The following CHN2 variants were observed in gnomAD, a reference collection of about 807,000 sequenced individuals.
CHN2 encodes the protein beta-chimaerin.
In CHN2, 35 loss-of-function variants were observed where a neutral mutation model predicts 56.3. That is an observed-to-expected ratio of 0.62 (90% CI 0.47 to 0.82). The LOEUF is 0.82. CHN2 is among the 40% of genes least tolerant of loss of function. The pLI, the probability that CHN2 is intolerant of heterozygous loss-of-function variation, is 0.00. For synonymous variants in CHN2, 210 were observed against 212.8 expected (o/e 0.99, Z 0.12); for missense variants, 491 against 580.5 (o/e 0.85, Z 1.58).
At chr7:29,360,319 C>T (rs1386801181) in intron 2 of CHN2, among the ~76,000 whole-genome samples, 2 of 152,192 alleles carry the variant, frequency 1.3e-5, no homozygotes, top group East Asian at 1.9e-4. Flanking sequence ...GTTGGGAGTT[C>T]GAGACCAGCC....
intron 6 of CHN2, among the ~76,000 whole-genome samples, chr7:29,420,811 T>C (rs1438396735): frequency 1.5e-5 from 1 of 66,546 alleles, no homozygotes; most frequent in Non-Finnish European, 4.5e-5. Context: ...TTTCTTCTTT[T>C]CTTTCTTTTT....
At chr7:29,184,604 C>T (rs1361162633) in intron 2 of CHN2, 1 of 152,192 alleles carries the variant, frequency 6.6e-6, no homozygotes. Context: ...AGAGTTTTCT[C>T]TTACTCTCAA....
At chr7:29,289,476 G>C (rs1180117778) in intron 1 of CHN2, among the ~76,000 whole-genome samples, 1 of 152,176 alleles carries the variant, frequency 6.6e-6, no homozygotes, top group Non-Finnish European at 1.5e-5. Flanking sequence ...GGTTAGGCAT[G>C]AGTAAGCCGA....
intron 6 of CHN2, among the ~76,000 whole-genome samples, chr7:29,414,882 G>A (rs1803573459): frequency 6.6e-6 from 1 of 152,086 alleles, no homozygotes; most frequent in Admixed American, 6.5e-5. Flanking sequence ...CTCCTGCCAT[G>A]CTTTGTGGAC....
At chr7:29,258,589 A>G (rs1789264695) in intron 1 of CHN2, among the ~76,000 whole-genome samples, 1 of 152,206 alleles carries the variant, frequency 6.6e-6, no homozygotes, top group South Asian at 2.1e-4. Flanking sequence ...TGCTATCTGT[A>G]CTACTAATTT....
chr7:29,443,745 T>G (rs1783837839), intron 6 of CHN2, among the ~76,000 whole-genome samples: 3 of 146,734 alleles, frequency 2.0e-5, no homozygotes, highest in Admixed American at 6.7e-5. Flanking sequence ...GAGGAGGGGG[T>G]GAGAGAGAGA....
At chr7:29,264,696 C>T (rs1789970464) in intron 1 of CHN2, among the ~76,000 whole-genome samples, 1 of 152,102 alleles carries the variant, frequency 6.6e-6, no homozygotes, top group Non-Finnish European at 1.5e-5. Flanking sequence ...GGGCCCTCTG[C>T]CTGGGAAAAC....
chr7:29,428,512 C>T (rs1805107919), intron 6 of CHN2, among the ~76,000 whole-genome samples: 1 of 152,128 alleles, frequency 6.6e-6, no homozygotes, highest in Non-Finnish European at 1.5e-5. Flanking sequence ...AAATTCAGAC[C>T]ATTTCCACAA....
chr7:29,322,305 G>T (rs751489022), intron 1 of CHN2, among the ~76,000 whole-genome samples: 2 of 152,172 alleles, frequency 1.3e-5, no homozygotes, highest in Non-Finnish European at 2.9e-5. Flanking sequence ...TGTAGCAGGG[G>T]CAGTGTCCTG....
chr7:29,367,196 C>T (rs190214780), intron 2 of CHN2, among the ~76,000 whole-genome samples: 53 of 152,052 alleles, frequency 3.5e-4, no homozygotes, highest in African/African-American at 1.2e-3. Flanking sequence ...CATTATGTTC[C>T]GAAAAATCAC....
In CHN2 at chr7:29,354,627, G is replaced by A; in HGVS notation, c.52G>A (p.Ala18Thr). ...SLSGSSVSSD[A>T]EEYQPPIWKS... ...TTCTTTTTTTTTTTTCATTCTAGAT[G>A]CTGAAGAATACCAGCCTCCTATATG... The change falls in exon 2 of 13, where the codon GCT (alanine) becomes ACT (threonine). Residue 18 changes from alanine to threonine, a missense_variant and splice_region_variant. Physicochemically the swap from Ala to Thr is moderately conservative, Grantham distance 58. Coordinates refer to ENST00000222792, the MANE Select transcript of CHN2 (RefSeq NM_004067.4). 1 of 1,604,096 alleles carries A rather than the reference G, an allele frequency of 6.2e-7. No individual in the cohort carries two copies. Among genetic ancestry groups the A allele is most frequent in the Non-Finnish European group, 8.5e-7 (1 of 1,175,660 alleles).
At chr7:29,506,974 A>AG (rs1457866263) in intron 10 of CHN2, among the ~76,000 whole-genome samples, 1 of 152,184 alleles carries the variant, frequency 6.6e-6, no homozygotes, top group African/African-American at 2.4e-5. Context: ...GCAAATTACC[A>AG]GGGGCTGGGA....
intron 1 of CHN2, among the ~76,000 whole-genome samples, chr7:29,198,493 T>C (rs1783915306): frequency 6.6e-6 from 1 of 152,242 alleles, no homozygotes; most frequent in Non-Finnish European, 1.5e-5. Context: ...TGAATTTTCT[T>C]CTGGAATATT....
chr7:29,463,163 A>C (rs778514289), intron 6 of CHN2, among the ~76,000 whole-genome samples: 16 of 152,128 alleles, frequency 1.1e-4, no homozygotes, highest in Non-Finnish European at 1.5e-5. Context: ...TGAGGGAAGA[A>C]CCAGGTCCCC....
chr7:29,254,259 T>C (rs1193623770), intron 1 of CHN2, among the ~76,000 whole-genome samples: 1 of 152,228 alleles, frequency 6.6e-6, no homozygotes, highest in Non-Finnish European at 1.5e-5. Context: ...GTGTCTTATA[T>C]GTGTACCATG....
intron 6 of CHN2, among the ~76,000 whole-genome samples, chr7:29,468,028 T>C (rs1785679810): frequency 6.6e-6 from 1 of 151,812 alleles, no homozygotes; most frequent in Admixed American, 6.6e-5. Flanking sequence ...GTTCTGAGAA[T>C]TGATAACATG....
chr7:29,146,680 A>G (rs887473568), exon 1 of CHN2: 1 of 1,550,452 alleles, frequency 6.4e-7, no homozygotes, highest in African/African-American at 1.4e-5. Flanking sequence ...CCATGCTGGA[A>G]GAAGCAAGCA....
chr7:29,258,104 A>T (rs1313924033), intron 1 of CHN2, among the ~76,000 whole-genome samples: 1 of 152,038 alleles, frequency 6.6e-6, no homozygotes, highest in African/African-American at 2.4e-5. Flanking sequence ...ATCTTGATGA[A>T]ATACTACTTT....
intron 1 of CHN2, among the ~76,000 whole-genome samples, chr7:29,348,733 G>A (rs1327120059): frequency 6.6e-6 from 1 of 151,936 alleles, no homozygotes; most frequent in Non-Finnish European, 1.5e-5. Flanking sequence ...TATTTTTGAG[G>A]TGGTGATTTA....
Sources: gnomAD v4.1 joint callset for allele counts (sites outside exome capture counted in the v4.1 genomes callset) on GRCh38, gnomAD v4.1.1 for gene constraint, MANE v1.5 for transcripts, NCBI Gene and HGNC (gene_info 2026-07-23, HGNC 2026-07-21) for gene names.